The following ZDHHC2 variants were observed in gnomAD, a reference collection of about 807,000 sequenced individuals.
The protein encoded by ZDHHC2 is zDHHC palmitoyltransferase 2.
Under a neutral mutation model 55.6 loss-of-function variants are expected in ZDHHC2, and 51 were observed. The ratio of observed to expected loss-of-function variants is 0.92; its 90% CI spans 0.73 to 1.16. The LOEUF (loss-of-function observed/expected upper bound fraction) is 1.16. Ranked by LOEUF, ZDHHC2 falls within the 50% of genes most tolerant of loss-of-function variation. The pLI, the probability that ZDHHC2 is intolerant of heterozygous loss-of-function variation, is 0.00. For missense variants in ZDHHC2, 491 were observed against 442.4 expected, an observed-to-expected ratio of 1.11 and a Z score of -0.99; for synonymous variants, 199 against 152.9, an observed-to-expected ratio of 1.30 and a Z score of -2.22.
At chr8:17,197,076 A>G (rs913686963) in intron 4 of ZDHHC2, among the ~76,000 whole-genome samples, 2 of 152,234 alleles carry the variant, frequency 1.3e-5, no homozygotes, top group Non-Finnish European at 2.9e-5. Context: ...ATGTTTAGGT[A>G]TATTTACCCT....
At chr8:17,157,603 T>A (rs1804126926) in intron 1 of ZDHHC2, 1 of 152,204 alleles carries the variant, frequency 6.6e-6, no homozygotes, top group South Asian at 2.1e-4. Context: ...TGCTGAAGAT[T>A]AAAATTTTTT....
Position 17,156,525 on chromosome 8 carries a change from G to A in ZDHHC2, c.-199G>A, listed in dbSNP as rs1279499990. 4.8e-6 allele frequency: 1 copy of A among 208,806 alleles called. No homozygotes were observed. The highest frequency in any genetic ancestry group is 8.3e-6 in the Non-Finnish European group (1 of 120,058). The allele number at this position is 208,806 out of a possible 1,614,324, so 12.9% of individuals were successfully genotyped here. A position where few individuals can be genotyped will look rare whatever the true frequency, so the allele number is the denominator to read the frequency against. The stretch of plus-strand genomic sequence containing the variant: ...CGCAGCCGCCGCCTCCGCCTCCGCC[G>A]GGCTGAGGAGCCGGGAGTCCGCCGC... On this transcript the variant is annotated 5_prime_UTR_variant, in exon 1 of 13. Transcript: ENST00000262096.
intron 3 of ZDHHC2, among the ~76,000 whole-genome samples, chr8:17,190,606 A>G (rs551466907): frequency 6.6e-6 from 1 of 152,310 alleles, no homozygotes; most frequent in East Asian, 1.9e-4. Flanking sequence ...AAGTAATACA[A>G]CCGCACTAAA....
intron 4 of ZDHHC2, among the ~76,000 whole-genome samples, chr8:17,196,155 T>C (rs1035307563): frequency 6.6e-6 from 1 of 152,154 alleles, no homozygotes; most frequent in Non-Finnish European, 1.5e-5. Context: ...TATTTTAAGG[T>C]AATTTGACAA....
rs937398849 is a variant in ZDHHC2, at chr8:17,220,958, C to G, written c.*737C>G. On this transcript the variant is annotated 3_prime_UTR_variant, in exon 13 of 13. Coordinates refer to ENST00000262096, the MANE Select transcript of ZDHHC2 (RefSeq NM_016353.5). ...TTACATCAGAAATATATTTTCATCT[C>G]TTCTTGTTAAATTGGGAGGAAATTT... is the stretch of plus-strand genomic sequence containing the variant. 2.1e-4 allele frequency: 32 copies of G among 152,274 alleles called. No individual in the cohort carries two copies. The highest frequency in any genetic ancestry group is 7.7e-4 in the African/African-American group (32 of 41,552). 9.4% of individuals were successfully genotyped at this position (152,274 alleles called of 1,614,324 possible).
Position 17,205,761 on chromosome 8 carries a change from A to G in ZDHHC2, c.583A>G (p.Ile195Val). 3 of 1,605,962 alleles carry G rather than the reference A, an allele frequency of 1.9e-6. No individual in the cohort carries two copies. The highest frequency in any genetic ancestry group is 2.5e-6 in the Non-Finnish European group (3 of 1,177,622). The change falls in exon 7 of 13, where the codon ATC becomes GTC. Residue 195 changes from isoleucine (I) to valine (V), a missense_variant. By Grantham distance (29) the Ile-to-Val change is conservative (BLOSUM62 3). Transcript: ENST00000262096. The part of the protein sequence containing the change: ...FIAATDLQYF[I>V]KFWTNGLPDT... ...TGCGGCAACAGATTTACAGTATTTT[A>G]TCAAATTTTGGACAGTAAGTCATTA... is the stretch of plus-strand genomic sequence containing the variant.
At chr8:17,183,933 G>T (rs1805565730) in intron 1 of ZDHHC2, among the ~76,000 whole-genome samples, 1 of 152,056 alleles carries the variant, frequency 6.6e-6, no homozygotes, top group African/African-American at 2.4e-5. Flanking sequence ...CTACCCTCTG[G>T]TTCCAGGCTT....
At chr8:17,181,410 G>T (rs760496587) in intron 1 of ZDHHC2, among the ~76,000 whole-genome samples, 1 of 152,210 alleles carries the variant, frequency 6.6e-6, no homozygotes. Context: ...TAGAATTAAT[G>T]TGCTATTCGT....
intron 1 of ZDHHC2, among the ~76,000 whole-genome samples, chr8:17,181,548 G>A (rs1438155133): frequency 6.6e-6 from 1 of 152,102 alleles, no homozygotes; most frequent in Non-Finnish European, 1.5e-5. Context: ...AGATAAAGAA[G>A]GCTATACAAC....
chr8:17,165,280 T>A lies in ZDHHC2; in HGVS notation c.130+8427T>A, dbSNP rs1383166269. Among the ~76,000 whole-genome samples, 3 of 152,216 alleles carry A rather than the reference T, an allele frequency of 2.0e-5. No individual in the cohort carries two copies. The East Asian group carries it at 5.8e-4, about 29-fold the overall frequency. On this transcript the variant is annotated intron_variant, in intron 1 of 12. Coordinates refer to ENST00000262096, the MANE Select transcript of ZDHHC2 (RefSeq NM_016353.5). ...AACTCCATGTGACCTGTTTTAGGAA[T>A]AAAGGCAGTCAGGGATTTATGTACT...
intron 10 of ZDHHC2, among the ~76,000 whole-genome samples, chr8:17,213,984 G>A (rs1807514783): frequency 1.3e-5 from 2 of 152,190 alleles, no homozygotes; most frequent in South Asian, 4.1e-4. Flanking sequence ...TAGATATGAG[G>A]TAATTAAGAA....
intron 1 of ZDHHC2, among the ~76,000 whole-genome samples, chr8:17,160,413 C>G (rs756460339): frequency 5.9e-5 from 9 of 152,190 alleles, no homozygotes; most frequent in Non-Finnish European, 1.2e-4. Context: ...TTTAAACGAT[C>G]ATGAATTTTC....
chr8:17,169,426 A>T (rs1804750590), intron 1 of ZDHHC2, among the ~76,000 whole-genome samples: 1 of 152,148 alleles, frequency 6.6e-6, no homozygotes, highest in Admixed American at 6.5e-5. Flanking sequence ...TACTGCATAT[A>T]GGCAGGAATT....
intron 5 of ZDHHC2, among the ~76,000 whole-genome samples, chr8:17,197,988 TATTTA>T (rs772679379): frequency 3.3e-5 from 5 of 152,238 alleles, no homozygotes; most frequent in Non-Finnish European, 5.9e-5. Context: ...CGTTGTTATA[TATTTA>T]ATATACTCCA....
intron 1 of ZDHHC2, among the ~76,000 whole-genome samples, chr8:17,175,611 G>A (rs1805090348): frequency 1.3e-5 from 2 of 152,094 alleles, no homozygotes; most frequent in African/African-American, 4.8e-5. Context: ...TCTATTCTAG[G>A]TGCTTTTACC....
At chr8:17,212,869 G>A (rs1046626650) in intron 10 of ZDHHC2, among the ~76,000 whole-genome samples, 3 of 151,574 alleles carry the variant, frequency 2.0e-5, no homozygotes, top group Non-Finnish European at 4.4e-5. Context: ...TAATGTCTCT[G>A]TTATAATAAA....
intron 1 of ZDHHC2, among the ~76,000 whole-genome samples, chr8:17,174,965 G>T (rs964599609): frequency 6.6e-6 from 1 of 152,000 alleles, no homozygotes; most frequent in African/African-American, 2.4e-5. Context: ...GGGCTCAAGC[G>T]ATCCAGCTGC....
At position 17,195,559 on chromosome 8, in the gene ZDHHC2, C is replaced by T. The variant is rs567986978; in HGVS notation, c.308C>T (p.Ala103Val). 1 of 1,613,884 alleles carries T rather than the reference C, an allele frequency of 6.2e-7. No homozygotes were observed. The highest frequency in any genetic ancestry group is 1.1e-5 in the South Asian group (1 of 91,080). ...TTGGAGAGAGAGCCAAGAGGAGAAG[C>T]CCATCAGGAAGTTCTTAGGCGAGCA... ...DLLEREPRGEAHQEVLRRAAK... is the reference protein window; with the variant it reads ...DLLEREPRGEVHQEVLRRAAK... Residue 103 changes from alanine to valine, a missense_variant, in exon 4 of 13, where the codon GCC (alanine) becomes GTC (valine). By Grantham distance (64) the Ala-to-Val change is moderately conservative. Coordinates refer to ENST00000262096, the MANE Select transcript of ZDHHC2 (RefSeq NM_016353.5).
intron 1 of ZDHHC2, among the ~76,000 whole-genome samples, chr8:17,177,571 C>G (rs1805205774): frequency 1.3e-5 from 2 of 152,184 alleles, no homozygotes; most frequent in South Asian, 2.1e-4. Flanking sequence ...ATCATAAATG[C>G]TAAGCTTCAG....
Sources: allele counts gnomAD v4.1 joint callset (sites outside exome capture counted in the v4.1 genomes callset), GRCh38; gene constraint gnomAD v4.1.1; transcripts MANE v1.5; gene names NCBI Gene and HGNC (gene_info 2026-07-23, HGNC 2026-07-21).